Variants in SLC41A3 observed in about 807,000 individuals in gnomAD.
SLC41A3 encodes the protein solute carrier family 41 member 3.
In SLC41A3, 44 loss-of-function variants were observed where a neutral mutation model predicts 45.4. That is an observed-to-expected ratio of 0.97 (90% CI 0.76 to 1.25). The LOEUF (loss-of-function observed/expected upper bound fraction) is 1.25. Among genes scored for constraint, SLC41A3 ranks in the 50% most tolerant of loss-of-function variants. The pLI is 0.00. For synonymous variants in SLC41A3, 256 were observed against 252.4 expected (o/e 1.01, Z -0.13); for missense variants, 550 against 600.6 (o/e 0.92, Z 0.88).
chr3:126,029,397 T>C (rs949714898), intron 4 of SLC41A3, among the ~76,000 whole-genome samples: 7 of 151,170 alleles, frequency 4.6e-5, no homozygotes, highest in African/African-American at 1.7e-4. Flanking sequence ...GCTCATTCTC[T>C]GGCCACATGA....
chr3:126,092,234 C>A (rs182700500), intron 1 of SLC41A3, among the ~76,000 whole-genome samples: 4 of 152,312 alleles, frequency 2.6e-5, no homozygotes, highest in Admixed American at 2.6e-4. Flanking sequence ...GGAATGAGGG[C>A]AAGGAACACC....
intron 1 of SLC41A3, among the ~76,000 whole-genome samples, chr3:126,082,663 C>T (rs1298110159): frequency 4.6e-5 from 7 of 152,186 alleles, no homozygotes; most frequent in Non-Finnish European, 8.8e-5. Context: ...CACCCAGAAG[C>T]ATCCCTGTGT....
chr3:126,065,669 A>G (rs1944313480), intron 2 of SLC41A3, among the ~76,000 whole-genome samples: 3 of 152,238 alleles, frequency 2.0e-5, no homozygotes, highest in Admixed American at 2.0e-4. Flanking sequence ...TAAGGAAGGC[A>G]TAGGCTCAGA....
chr3:126,009,802 A>G (rs995729444), intron 9 of SLC41A3, among the ~76,000 whole-genome samples: 2 of 152,256 alleles, frequency 1.3e-5, no homozygotes, highest in Non-Finnish European at 2.9e-5. Context: ...TTGGTGTGAG[A>G]ACTCAAGAAA....
chr3:126,028,701 A>G (rs1941564513), intron 4 of SLC41A3, among the ~76,000 whole-genome samples: 1 of 152,226 alleles, frequency 6.6e-6, no homozygotes, highest in African/African-American at 2.4e-5. Flanking sequence ...TCTTGCCACC[A>G]TCAGCCTGGA....
chr3:126,022,660 G>T, intron 6 of SLC41A3, 126 bp downstream of exon 6: 1 of 1,212,014 alleles, frequency 8.3e-7, no homozygotes, highest in Non-Finnish European at 1.2e-6. Context: ...CATGAAATGT[G>T]GGGGACACAT....
chr3:126,023,035 G>T, intron 5 of SLC41A3, 103 bp from the exon 6 acceptor site: 1 of 1,462,002 alleles, frequency 6.8e-7, no homozygotes, highest in Non-Finnish European at 9.3e-7. Context: ...AGTAGGGACT[G>T]GCAGGTGGCA....
At chr3:126,071,554 C>T (rs929709968) in intron 1 of SLC41A3, among the ~76,000 whole-genome samples, 1 of 152,194 alleles carries the variant, frequency 6.6e-6, no homozygotes, top group African/African-American at 2.4e-5. Context: ...AGATCAAACA[C>T]ATCTATACAA....
intron 10 of SLC41A3, 21 bp from the exon 11 acceptor site, chr3:126,007,246 C>T: frequency 6.2e-7 from 1 of 1,611,450 alleles, no homozygotes; most frequent in Non-Finnish European, 8.5e-7. Context: ...GGCAAAGAGA[C>T]ACAAAAGAAG....
intron 8 of SLC41A3, among the ~76,000 whole-genome samples, chr3:126,014,914 C>A (rs933870948): frequency 6.6e-6 from 1 of 152,082 alleles, no homozygotes; most frequent in Non-Finnish European, 1.5e-5. Context: ...TAAGTATGTG[C>A]AGAGAGCCAG....
intron 8 of SLC41A3, among the ~76,000 whole-genome samples, chr3:126,014,567 C>T (rs765087921): frequency 2.0e-5 from 3 of 152,252 alleles, no homozygotes; most frequent in Non-Finnish European, 4.4e-5. Context: ...CCCTCTGTTG[C>T]TGTTCTCATG....
At chr3:126,077,201 G>C (rs1305887113) in intron 1 of SLC41A3, among the ~76,000 whole-genome samples, 1 of 151,950 alleles carries the variant, frequency 6.6e-6, no homozygotes, top group Non-Finnish European at 1.5e-5. Flanking sequence ...AACATGGTGA[G>C]ACCTCATCTC....
chr3:126,058,732 G>A (rs532417707), intron 2 of SLC41A3, among the ~76,000 whole-genome samples: 6 of 152,362 alleles, frequency 3.9e-5, no homozygotes, highest in African/African-American at 1.4e-4. Context: ...TGAGAAAGGA[G>A]CATCCGGACC....
chr3:126,064,210 C>G (rs926971564), intron 2 of SLC41A3, among the ~76,000 whole-genome samples: 2 of 152,020 alleles, frequency 1.3e-5, no homozygotes, highest in East Asian at 3.9e-4. Flanking sequence ...ATAATGTGAG[C>G]GGCGCGTTCC....
chr3:126,096,166 A>G (rs574790980), intron 1 of SLC41A3, among the ~76,000 whole-genome samples: 19 of 152,346 alleles, frequency 1.2e-4, no homozygotes, highest in African/African-American at 4.6e-4. Flanking sequence ...AAGGAGCTGC[A>G]GACAGATTAG....
chr3:126,069,204 G>A (rs1441063544), intron 1 of SLC41A3, among the ~76,000 whole-genome samples: 1 of 152,010 alleles, frequency 6.6e-6, no homozygotes, highest in Non-Finnish European at 1.5e-5. Context: ...GAAATTCCTA[G>A]GAAGGCCCCA....
rs558804574 is a variant in SLC41A3 at position 126,101,145 on chromosome 3, C to T, written c.-79+284G>A. 2.0e-3 allele frequency among the ~76,000 whole-genome samples: 310 copies of T among 152,302 alleles called. 3 individuals carry two copies. The highest frequency in any genetic ancestry group is 6.9e-3 in the African/African-American group (286 of 41,580). ...ATCCGCGGGGTTGGGCAATGCCCAT[C>T]GCCGTGTCACTGGGTCTGCTTCCAG... On this transcript the variant is annotated intron_variant, in intron 1 of 9. Transcript: ENST00000508835.
intron 1 of SLC41A3, among the ~76,000 whole-genome samples, chr3:126,078,525 G>T (rs1559889423): frequency 6.6e-6 from 1 of 152,176 alleles, no homozygotes; most frequent in Non-Finnish European, 1.5e-5. Flanking sequence ...AAGGATGCTT[G>T]GCAGAACAGG....
intron 8 of SLC41A3, among the ~76,000 whole-genome samples, chr3:126,013,230 G>C (rs1432960719): frequency 6.6e-6 from 1 of 151,876 alleles, no homozygotes; most frequent in African/African-American, 2.4e-5. Flanking sequence ...TTCACTCAAG[G>C]TGGGAAGGAG....
Sources: gnomAD v4.1 joint callset for allele counts (sites outside exome capture counted in the v4.1 genomes callset) on GRCh38, gnomAD v4.1.1 for gene constraint, MANE v1.5 for transcripts, NCBI Gene and HGNC (gene_info 2026-07-23, HGNC 2026-07-21) for gene names.